Variants in NCS1 observed in about 807,000 individuals in gnomAD.
NCS1 encodes the protein neuronal calcium sensor 1, also known as frequenin homolog.
In NCS1, 6 loss-of-function variants were observed where a neutral mutation model predicts 28.4. The ratio of observed to expected loss-of-function variants is 0.21; its 90% CI spans 0.12 to 0.42. The LOEUF (loss-of-function observed/expected upper bound fraction) is 0.42. Among genes scored for constraint, NCS1 ranks in the 10% least tolerant of loss-of-function variants. NCS1 has a pLI of 1.00. For synonymous variants in NCS1, 86 were observed against 99.3 expected (o/e 0.87, Z 0.79); for missense variants, 131 against 241.4 (o/e 0.54, Z 3.03).
At chr9:130,203,494 G>A (rs782517775) in intron 2 of NCS1, among the ~76,000 whole-genome samples, 32 of 152,190 alleles carry the variant, frequency 2.1e-4, no homozygotes, top group Non-Finnish European at 4.0e-4. Context: ...TCCCAAGGAG[G>A]GCCAGGGCAG....
chr9:130,193,080 TG>T (rs1166535445), intron 1 of NCS1, among the ~76,000 whole-genome samples: 1 of 152,110 alleles, frequency 6.6e-6, no homozygotes, highest in Non-Finnish European at 1.5e-5. Flanking sequence ...GGGCCCGGTG[TG>T]GGGGCAGGAG....
Position 130,190,032 on chromosome 9 carries a change from A to AAGAGAGAGAGAGAGAGAG in NCS1, c.65-10910_65-10893dup, listed in dbSNP as rs34529294. On this transcript the variant is annotated intron_variant, in intron 1 of 7. Coordinates refer to ENST00000372398, the MANE Select transcript of NCS1 (RefSeq NM_014286.4). ...GGGGGTAGTTCTTGTATGTTTATGC[A>AAGAGAGAGAGAGAGAGAG]AGAGAGAGAGAGAGAGAGAGAGAGA... Among the ~76,000 whole-genome samples the AAGAGAGAGAGAGAGAGAG allele has an allele frequency of 4.7e-3, 570 of 120,458 alleles. 4 individuals are homozygous for AAGAGAGAGAGAGAGAGAG. The highest frequency in any genetic ancestry group is 8.2e-3 in the Middle Eastern group (2 of 244). The allele number at this position is 120,458 out of a possible 152,430, so 79.0% of individuals were successfully genotyped here. A position where few individuals can be genotyped will look rare whatever the true frequency, so the allele number is the denominator to read the frequency against.
In NCS1 at chr9:130,180,482, T is replaced by C. The variant is rs574197748; in HGVS notation, c.64+7755T>C. 2.0e-5 allele frequency among the ~76,000 whole-genome samples: 3 copies of C among 152,298 alleles called. No individual in the cohort carries two copies. Among genetic ancestry groups the C allele is most frequent in the East Asian group, 3.9e-4 (2 of 5,190 alleles). On this transcript the variant is annotated intron_variant, in intron 1 of 7. Transcript: ENST00000372398. This position sits in a 1 kb window ranked among gnomAD's most constrained non-coding sequence, Gnocchi z 4.5. The stretch of plus-strand genomic sequence containing the variant: ...TAACAAGATGAATCAATTTTCACAT[T>C]CTGTGTGTGATCTATTTTGCAGGGC...
rs1833552283 is a variant in NCS1, at chr9:130,234,590, G to T, written c.*1618G>T. On this transcript the variant is annotated 3_prime_UTR_variant, in exon 8 of 8. Transcript: ENST00000372398. This position sits in a 1 kb window ranked among gnomAD's most constrained non-coding sequence, Gnocchi z 6.1. ...CCGACATCATGTCACTCTAGGCCTG[G>T]GGTTCAGTTTCCTGTGGCTGGTGAT... 6.6e-6 allele frequency: 1 copy of T among 152,370 alleles called. No homozygotes were observed. Among genetic ancestry groups the T allele is most frequent in the Non-Finnish European group, 1.5e-5 (1 of 68,180 alleles). 9.4% of individuals were successfully genotyped at this position (152,370 alleles called of 1,614,324 possible).
chr9:130,193,637 G>A (rs1350714863), intron 1 of NCS1, among the ~76,000 whole-genome samples: 1 of 152,120 alleles, frequency 6.6e-6, no homozygotes, highest in African/African-American at 2.4e-5. Flanking sequence ...GGGTGGGGGA[G>A]CTGAACTGCA....
At position 130,216,084 on chromosome 9, in the gene NCS1, G is replaced by T. The variant is rs782362394; in HGVS notation, c.90-1748G>T. Among the ~76,000 whole-genome samples the T allele has an allele frequency of 1.1e-4, 17 of 152,320 alleles. 1 individual carries two copies. The highest frequency in any genetic ancestry group is 8.3e-4 in the South Asian group (4 of 4,830). On this transcript the variant is annotated intron_variant, in intron 2 of 7. Transcript: ENST00000372398. ...GTGCCCCACATGTCCCTTCACATGT[G>T]CCCAGGATCCATTCCAGCCCCTTAG...
intron 2 of NCS1, among the ~76,000 whole-genome samples, 196 bp from the exon 3 acceptor site, chr9:130,217,636 T>A (rs782302758): frequency 6.6e-6 from 1 of 152,200 alleles, no homozygotes; most frequent in African/African-American, 2.4e-5. Context: ...AGGTGAAGTC[T>A]GTATCCAAGG....
At chr9:130,218,026 G>A (rs1588122883) in intron 3 of NCS1, 56 bp downstream of exon 3, 6 of 1,606,374 alleles carry the variant, frequency 3.7e-6, no homozygotes, top group Admixed American at 1.7e-5. Context: ...GTGGGTACCC[G>A]CAGCGTCTCC....
intron 1 of NCS1, among the ~76,000 whole-genome samples, chr9:130,194,863 T>C (rs1393889199): frequency 5.9e-5 from 9 of 152,236 alleles, no homozygotes; most frequent in East Asian, 3.8e-4. Flanking sequence ...TGAAGGTCAA[T>C]GCATGAGAAA....
In NCS1 at chr9:130,219,524, C is replaced by T. The variant is rs995500907; in HGVS notation, c.229-201C>T. 2.6e-5 allele frequency among the ~76,000 whole-genome samples: 4 copies of T among 151,934 alleles called. No homozygotes were observed. Among genetic ancestry groups the T allele is most frequent in the Admixed American group, 6.6e-5 (1 of 15,250 alleles). On this transcript the variant is annotated intron_variant, in intron 3 of 7. Coordinates refer to ENST00000372398, the MANE Select transcript of NCS1 (RefSeq NM_014286.4). This position sits in a 1 kb window ranked among gnomAD's most constrained non-coding sequence, Gnocchi z 5.7. ...CTCCTGGCCTCTCCCACTTCTAACC[C>T]CCCACACAGTCCCCCAGCCTCTGCT...
chr9:130,201,694 C>T (rs1832949692), intron 2 of NCS1, among the ~76,000 whole-genome samples: 1 of 152,070 alleles, frequency 6.6e-6, no homozygotes, highest in Non-Finnish European at 1.5e-5. Flanking sequence ...CTGGCAGGGC[C>T]GGGCACCCCC....
At chr9:130,210,299 T>C (rs1020628007) in intron 2 of NCS1, among the ~76,000 whole-genome samples, 1 of 151,064 alleles carries the variant, frequency 6.6e-6, no homozygotes, top group African/African-American at 2.4e-5. Context: ...CTCGGGAGGC[T>C]GAGGCAGGAG....
chr9:130,197,967 G>GAAAAAAAAAAAAA (rs35362310), intron 1 of NCS1, among the ~76,000 whole-genome samples: 1 of 124,604 alleles, frequency 8.0e-6, no homozygotes. Flanking sequence ...TTTGTCTCCA[G>GAAAAAAAAAAAAA]AAAAAAAAAA....
chr9:130,178,056 T>G (rs782240472), intron 1 of NCS1, among the ~76,000 whole-genome samples: 12 of 152,160 alleles, frequency 7.9e-5, no homozygotes, highest in Admixed American at 3.9e-4. Flanking sequence ...AGAGATGGGA[T>G]CTCGCTATGT....
chr9:130,229,500 A>G (rs10119814), intron 7 of NCS1, among the ~76,000 whole-genome samples: 10,340 of 151,822 alleles, frequency 0.068, 1,045 homozygotes, highest in African/African-American at 0.23. Flanking sequence ...TGATCCACCC[A>G]CCTCAGCCTC....
At chr9:130,174,305 T>C (rs1028397630) in intron 1 of NCS1, among the ~76,000 whole-genome samples, 25 of 152,318 alleles carry the variant, frequency 1.6e-4, no homozygotes, top group South Asian at 8.3e-4. Context: ...CCAGGTTTCC[T>C]GCTCATCGAG....
intron 2 of NCS1, among the ~76,000 whole-genome samples, chr9:130,203,053 T>A (rs1832975965): frequency 6.8e-6 from 1 of 147,164 alleles, no homozygotes; most frequent in African/African-American, 2.5e-5. Flanking sequence ...AATATGTGTG[T>A]GTGTGTGTGT....
intron 2 of NCS1, among the ~76,000 whole-genome samples, chr9:130,202,133 C>T (rs1260098609): frequency 1.3e-5 from 2 of 152,246 alleles, no homozygotes; most frequent in African/African-American, 4.8e-5. Context: ...GTGAAGTCCT[C>T]ACCCTTGACA....
At position 130,181,735 on chromosome 9, in the gene NCS1, G is replaced by A. The variant is rs976466433; in HGVS notation, c.64+9008G>A. Among the ~76,000 whole-genome samples the A allele has an allele frequency of 6.6e-6, 1 of 152,174 alleles. No homozygotes were observed. The highest frequency in any genetic ancestry group is 2.1e-4 in the South Asian group (1 of 4,828). On this transcript the variant is annotated intron_variant, in intron 1 of 7. Coordinates refer to ENST00000372398, the MANE Select transcript of NCS1 (RefSeq NM_014286.4). The surrounding 1 kb of genome is among the most constrained non-coding windows in gnomAD (Gnocchi z 5.0). ...GAGCGTGAGCGGGCCCGGGTGCCTGGTGTGGGTGTTGCAGGCAGGGCGGGT... is the reference window on the plus strand; with the variant it reads ...GAGCGTGAGCGGGCCCGGGTGCCTGATGTGGGTGTTGCAGGCAGGGCGGGT...
Sources: allele counts gnomAD v4.1 joint callset (sites outside exome capture counted in the v4.1 genomes callset), GRCh38; gene constraint gnomAD v4.1.1; non-coding constraint Gnocchi (gnomAD v3.1); transcripts MANE v1.5; gene names NCBI Gene and HGNC (gene_info 2026-07-23, HGNC 2026-07-21).